TGFB1: variants seen among roughly 807,000 people sequenced by gnomAD.
TGFB1 encodes transforming growth factor beta 1.
A neutral mutation model predicts 43.8 loss-of-function variants in TGFB1; 19 were observed. The observed-to-expected ratio is 0.43, with a 90% CI of 0.30 to 0.64. The LOEUF (loss-of-function observed/expected upper bound fraction) is 0.64. Ranked by LOEUF, TGFB1 falls within the 30% of genes least tolerant of loss-of-function variation. TGFB1 has a pLI of 0.11. For synonymous variants in TGFB1, 221 were observed against 236.3 expected (o/e 0.94, Z 0.60); for missense variants, 445 against 529.8 (o/e 0.84, Z 1.57).
intron 5 of TGFB1, among the ~76,000 whole-genome samples, chr19:41,337,430 G>A (rs951520613): frequency 4.0e-5 from 6 of 151,346 alleles, no homozygotes; most frequent in East Asian, 1.9e-4. Flanking sequence ...TGTGAGCCAC[G>A]ACAGCTGGCC....
At chr19:41,349,541 G>C (rs957213512) in intron 1 of TGFB1, among the ~76,000 whole-genome samples, 10 of 152,218 alleles carry the variant, frequency 6.6e-5, no homozygotes, top group African/African-American at 2.4e-4. Context: ...TTGATTACTT[G>C]AGGTCGGGAG....
intron 5 of TGFB1, among the ~76,000 whole-genome samples, chr19:41,335,633 C>T (rs1281193041): frequency 6.6e-6 from 1 of 152,174 alleles, no homozygotes; most frequent in Non-Finnish European, 1.5e-5. Flanking sequence ...TCGGGGCCTA[C>T]CCTGCACCGG....
In TGFB1 at chr19:41,352,830, G is replaced by C; in HGVS notation, c.215C>G (p.Pro72Arg). ...CAGGGCGAGCACGGCCTCGGGCAGC[G>C]GGCCGGGCGGCACCTCCCCCTGGCT... ...PPSQGEVPPG[P>R]LPEAVLALYN... The change falls in exon 1 of 7, where the codon CCG (proline) becomes CGG (arginine). Residue 72 changes from proline to arginine, a missense_variant. By Grantham distance (103) the Pro-to-Arg change is moderately radical. This residue lies in a region of TGFB1 where 366 missense variants were observed against 428.8 expected (regional missense o/e 0.85). Coordinates refer to ENST00000221930, the MANE Select transcript of TGFB1 (RefSeq NM_000660.7). 1 of 1,581,224 alleles carries C rather than the reference G, an allele frequency of 6.3e-7. No individual in the cohort carries two copies. Among genetic ancestry groups the C allele is most frequent in the Non-Finnish European group, 8.6e-7 (1 of 1,165,174 alleles).
At chr19:41,347,929 C>G (rs1264131893) in intron 2 of TGFB1, among the ~76,000 whole-genome samples, 1 of 150,644 alleles carries the variant, frequency 6.6e-6, no homozygotes, top group African/African-American at 2.4e-5. Flanking sequence ...GTCAGGAGAT[C>G]GAGACCATCC....
rs2123118631 is a variant in TGFB1, at chr19:41,352,951, T to G, written c.94A>C (p.Thr32Pro). 6.4e-7 allele frequency: 1 copy of G among 1,551,414 alleles called. No individual in the cohort carries two copies. The highest frequency in any genetic ancestry group is 8.7e-7 in the Non-Finnish European group (1 of 1,150,710). Residue 32 changes from threonine to proline, a missense_variant, in exon 1 of 7, where the codon ACC becomes CCC. Physicochemically the swap from Thr to Pro is conservative, Grantham distance 38. Coordinates refer to ENST00000221930, the MANE Select transcript of TGFB1 (RefSeq NM_000660.7). ...AGCTCCATGTCGATAGTCTTGCAGG[T>G]GGATAGTCCCGCGGCCGGCCGGCCA... Reference protein sequence around the residue: ...TPGRPAAGLSTCKTIDMELVK... With the variant: ...TPGRPAAGLSPCKTIDMELVK...
At chr19:41,348,185 A>G (rs2038139017) in intron 2 of TGFB1, 110 bp downstream of exon 2, 2 of 1,254,514 alleles carry the variant, frequency 1.6e-6, no homozygotes, top group Admixed American at 3.4e-5. Context: ...TCTATCCTTC[A>G]GGGACCATCT....
intron 3 of TGFB1, among the ~76,000 whole-genome samples, chr19:41,343,452 C>A (rs2038081659): frequency 6.6e-6 from 1 of 151,768 alleles, no homozygotes; most frequent in South Asian, 2.1e-4. Context: ...CCTTTTTTTT[C>A]ATGTGGCCAA....
chr19:41,345,480 G>A (rs1269039280), intron 2 of TGFB1, among the ~76,000 whole-genome samples: 3 of 152,176 alleles, frequency 2.0e-5, no homozygotes. Context: ...CTGGGCGACA[G>A]GACGAGACTT....
chr19:41,331,297 G>GCCAGCCTCTCTCACTT lies in TGFB1; in HGVS notation c.1015-103_1015-88dup, dbSNP rs1388124154. On this transcript the variant is annotated intron_variant, in intron 6 of 6. Transcript: ENST00000221930. ...TGCCCCATCCCCCACCCGCTACCGC[G>GCCAGCCTCTCTCACTT]CCAGCCTCTCTCACTTCGTCTCTCC... is the stretch of plus-strand genomic sequence containing the variant. 3 of 1,400,934 alleles carry GCCAGCCTCTCTCACTT rather than the reference G, an allele frequency of 2.1e-6. No homozygotes were observed. In the African/African-American group the frequency reaches 4.5e-5, roughly 21 times the overall value. The allele number at this position is 1,400,934 out of a possible 1,614,324, so 86.8% of individuals were successfully genotyped here. A position where few individuals can be genotyped will look rare whatever the true frequency, so the allele number is the denominator to read the frequency against.
chr19:41,348,286 T>C lies in TGFB1; in HGVS notation c.516+9A>G, dbSNP rs1208362632. ...ATGCCCTGACCTTCCTTCTGGCTCA[T>C]GTCCTCACCTGGTACAGCTCCACGT... On this transcript the variant is annotated intron_variant, in intron 2 of 6. Transcript: ENST00000221930. The C allele has an allele frequency of 3.1e-6, 5 of 1,612,138 alleles. No individual in the cohort carries two copies. Among genetic ancestry groups the C allele is most frequent in the Non-Finnish European group, 4.2e-6 (5 of 1,179,486 alleles).
At chr19:41,351,925 G>GATTC (rs1232798399) in intron 1 of TGFB1, among the ~76,000 whole-genome samples, 1 of 151,782 alleles carries the variant, frequency 6.6e-6, no homozygotes, top group Admixed American at 6.6e-5. Context: ...CTGGAAGCTC[G>GATTC]ATTCCTCCGC....
intron 2 of TGFB1, among the ~76,000 whole-genome samples, chr19:41,347,245 A>T (rs2038126127): frequency 6.6e-6 from 1 of 151,688 alleles, no homozygotes. Context: ...CTGGTCTCGG[A>T]CTCCTGGGCT....
At chr19:41,342,317 A>C (rs2038066689) in intron 3 of TGFB1, 70 bp from the exon 4 acceptor site, 1 of 1,509,474 alleles carries the variant, frequency 6.6e-7, no homozygotes, top group Non-Finnish European at 9.0e-7. Flanking sequence ...AAGAGGAAGG[A>C]AGGAGCAAAC....
chr19:41,341,586 T>C lies in TGFB1; in HGVS notation c.860+297A>G, dbSNP rs548161490. ...CCACCACGCCTGGCTAATTTTTGGA[T>C]TTTTAGTAGAGACGGGTTTCACCAT... On this transcript the variant is annotated intron_variant, in intron 5 of 6. Transcript: ENST00000221930. Among the ~76,000 whole-genome samples the C allele has an allele frequency of 5.3e-5, 8 of 152,100 alleles. No homozygotes were observed. The East Asian group carries it at 1.5e-3, about 29-fold the overall frequency.
At chr19:41,338,124 G>A (rs1305841111) in intron 5 of TGFB1, among the ~76,000 whole-genome samples, 2 of 151,998 alleles carry the variant, frequency 1.3e-5, no homozygotes, top group African/African-American at 2.4e-5. Context: ...CCTGGGAGGC[G>A]GAGGTTGCAG....
intron 2 of TGFB1, among the ~76,000 whole-genome samples, 176 bp from the exon 3 acceptor site, chr19:41,345,040 G>A (rs1206720431): frequency 6.6e-6 from 1 of 152,180 alleles, no homozygotes; most frequent in Non-Finnish European, 1.5e-5. Flanking sequence ...CTCCCCAACA[G>A]TACCCATGAG....
At chr19:41,331,896 T>TA (rs2037936132) in intron 6 of TGFB1, among the ~76,000 whole-genome samples, 1 of 151,712 alleles carries the variant, frequency 6.6e-6, no homozygotes. Context: ...ATCCCTCTGT[T>TA]ACTTCACTCT....
At chr19:41,341,466 C>CAAAAAAAAAAAAAA (rs770264069) in intron 5 of TGFB1, among the ~76,000 whole-genome samples, 2 of 35,582 alleles carry the variant, frequency 5.6e-5, no homozygotes, top group African/African-American at 1.2e-4. Context: ...GACTCTGTCT[C>CAAAAAAAAAAAAAA]AAAAAAAAAA....
intron 1 of TGFB1, among the ~76,000 whole-genome samples, chr19:41,351,792 T>C (rs968708296): frequency 1.6e-5 from 1 of 61,042 alleles, no homozygotes; most frequent in Non-Finnish European, 3.4e-5. Flanking sequence ...TTCCCCTGCA[T>C]CCTGCGGGGA....
Sources: allele counts gnomAD v4.1 joint callset (sites outside exome capture counted in the v4.1 genomes callset), GRCh38; gene constraint gnomAD v4.1.1; regional missense constraint gnomAD v4.1.1; transcripts MANE v1.5; gene names NCBI Gene and HGNC (gene_info 2026-07-23, HGNC 2026-07-21).